The following COL9A1 variants were observed in gnomAD, a reference collection of about 807,000 sequenced individuals.
COL9A1 encodes collagen alpha-1(IX) chain.
COL9A1 carries 104 observed loss-of-function variants against 142.6 expected under a neutral mutation model. The ratio of observed to expected loss-of-function variants is 0.73; its 90% CI spans 0.62 to 0.86. The LOEUF is 0.86. Ranked by LOEUF, COL9A1 falls within the 40% of genes least tolerant of loss-of-function variation. COL9A1 has a pLI of 0.00. For missense variants in COL9A1, 1,210 were observed against 1,176.6 expected (o/e 1.03, Z -0.42); for synonymous variants, 466 against 396.0 (o/e 1.18, Z -2.10).
At position 70,283,745 on chromosome 6, in the gene COL9A1, T is replaced by C; in HGVS notation, c.772A>G (p.Arg258Gly). 6.2e-7 allele frequency: 1 copy of C among 1,611,272 alleles called. No individual in the cohort carries two copies. Among genetic ancestry groups the C allele is most frequent in the Non-Finnish European group, 8.5e-7 (1 of 1,178,842 alleles). Residue 258 changes from arginine (R) to glycine (G), a missense_variant, in exon 6 of 38, where the codon AGA (arginine) becomes GGA (glycine). Transcript: ENST00000357250. ...RRETCHELPARITPSQTTDER... is the reference protein window; with the variant it reads ...RRETCHELPAGITPSQTTDER... The stretch of plus-strand genomic sequence containing the variant: ...GTAGTCAGGGGACTCACCGTTATTC[T>C]GGCTGGCAGCTCATGGCAAGTTTCT...
intron 2 of COL9A1, 33 bp downstream of exon 2, chr6:70,301,968 G>C (rs761612538): frequency 2.6e-6 from 4 of 1,553,376 alleles, no homozygotes; most frequent in Non-Finnish European, 3.5e-6. Flanking sequence ...GGGAATAAGT[G>C]ATCTTTGAAA....
intron 5 of COL9A1, among the ~76,000 whole-genome samples, chr6:70,287,924 T>C (rs1773517560): frequency 6.6e-6 from 1 of 152,202 alleles, no homozygotes; most frequent in Admixed American, 6.5e-5. Flanking sequence ...CATTTAGAGA[T>C]ATTTCAGGAC....
chr6:70,257,533 G>A (rs1403832209), intron 20 of COL9A1, among the ~76,000 whole-genome samples: 2 of 152,152 alleles, frequency 1.3e-5, no homozygotes, highest in Non-Finnish European at 2.9e-5. Flanking sequence ...GGGATCACAT[G>A]AGACCAGGAG....
In COL9A1 at chr6:70,255,387, C is replaced by T; in HGVS notation, c.1507G>A (p.Asp503Asn). The change falls in exon 22 of 38, where the codon GAT (aspartate) becomes AAT (asparagine). Residue 503 changes from aspartate (D) to asparagine (N), a missense_variant. Physicochemically the swap from Asp to Asn is conservative, Grantham distance 23. Coordinates refer to ENST00000357250, the MANE Select transcript of COL9A1 (RefSeq NM_001851.6). Reference sequence around the variant, plus strand: ...CCTGGAGGTCCTCGCTGTCCTTGATCACCCTGTATGAAAATAAAATTTTGT... The same window carrying T: ...CCTGGAGGTCCTCGCTGTCCTTGATTACCCTGTATGAAAATAAAATTTTGT... ...GPQGLPGAPG[D>N]QGQRGPPGEA... The T allele has an allele frequency of 6.2e-7, 1 of 1,614,046 alleles. No homozygotes were observed.
At chr6:70,288,226 T>C (rs1471353333) in intron 5 of COL9A1, among the ~76,000 whole-genome samples, 2 of 152,190 alleles carry the variant, frequency 1.3e-5, no homozygotes, top group Non-Finnish European at 2.9e-5. Flanking sequence ...CCTAAAGTAA[T>C]GGTGTCATCT....
At chr6:70,286,763 A>G (rs534317422) in intron 5 of COL9A1, among the ~76,000 whole-genome samples, 62 of 152,214 alleles carry the variant, frequency 4.1e-4, no homozygotes, top group Non-Finnish European at 7.9e-4. Flanking sequence ...TATGTAGACT[A>G]AACCCGGCTG....
chr6:70,232,358 G>A (rs145155978), intron 36 of COL9A1, among the ~76,000 whole-genome samples: 11 of 152,278 alleles, frequency 7.2e-5, no homozygotes, highest in Admixed American at 2.6e-4. Flanking sequence ...TAAAAGACAC[G>A]GGACTTTAAT....
intron 10 of COL9A1, chr6:70,279,821 T>C: frequency 2.0e-6 from 1 of 491,354 alleles, no homozygotes; most frequent in East Asian, 2.9e-5. Flanking sequence ...TCTTAAACTG[T>C]AGTCAAAAAT....
chr6:70,221,782 T>C (rs2127548841), intron 37 of COL9A1, among the ~76,000 whole-genome samples: 1 of 152,256 alleles, frequency 6.6e-6, no homozygotes, highest in East Asian at 1.9e-4. Flanking sequence ...CCTTTAAAAT[T>C]CTCAGAGTGA....
chr6:70,253,382 T>C lies in COL9A1; in HGVS notation c.1764+3A>G, dbSNP rs1562304504. Reference sequence around the variant, plus strand: ...TATTAACTTAAATTTTAAAATATTTTACCTTTTCACCAGCAACACCCTTTG... The same window carrying C: ...TATTAACTTAAATTTTAAAATATTTCACCTTTTCACCAGCAACACCCTTTG... On this transcript the variant is annotated splice_donor_region_variant and intron_variant, in intron 26 of 37. Coordinates refer to ENST00000357250, the MANE Select transcript of COL9A1 (RefSeq NM_001851.6). The C allele has an allele frequency of 1.9e-6, 3 of 1,584,602 alleles. No homozygotes were observed. The highest frequency in any genetic ancestry group is 2.6e-6 in the Non-Finnish European group (3 of 1,155,398).
rs147134403 is a variant in COL9A1, at chr6:70,285,085, A to C, written c.697-1265T>G. ...CCTATATCTTTTGTTTCAATAGTTC[A>C]TTAAAGTTACTTATTGCAAATGTGA... On this transcript the variant is annotated intron_variant, in intron 5 of 37. Transcript: ENST00000357250. Among the ~76,000 whole-genome samples the C allele has an allele frequency of 1.1e-3, 172 of 152,354 alleles. 2 individuals carry two copies. The East Asian group carries it at 0.023, about 20-fold the overall frequency.
chr6:70,247,421 A>T (rs1412835480), intron 28 of COL9A1, among the ~76,000 whole-genome samples: 1 of 152,260 alleles, frequency 6.6e-6, no homozygotes, highest in African/African-American at 2.4e-5. Context: ...TTATTCCATC[A>T]TGCTCTAGCT....
intron 33 of COL9A1, among the ~76,000 whole-genome samples, chr6:70,235,974 G>A (rs1252726099): frequency 4.0e-5 from 6 of 151,662 alleles, no homozygotes; most frequent in African/African-American, 1.2e-4. Context: ...ATTAGCCGGC[G>A]TAGTGGTGGA....
At chr6:70,295,135 G>A (rs985178060) in intron 4 of COL9A1, among the ~76,000 whole-genome samples, 1 of 152,026 alleles carries the variant, frequency 6.6e-6, no homozygotes, top group African/African-American at 2.4e-5. Context: ...AGTAACTGAG[G>A]ACTTCAGGAG....
In COL9A1 at chr6:70,255,185, C is replaced by G. The variant is rs1771199729; in HGVS notation, c.1576G>C (p.Gly526Arg). ...KGDRGAEGARGIPGLPGPKGD... is the reference protein window; with the variant it reads ...KGDRGAEGARRIPGLPGPKGD... The stretch of plus-strand genomic sequence containing the variant: ...TTGGGCCCAGGGAGACCAGGAATTC[C>G]TCTAGCACCTTCAGCCCCCTGCAGG... Residue 526 changes from glycine to arginine, a missense_variant, in exon 23 of 38, where the codon GGA (glycine) becomes CGA (arginine). By Grantham distance (125) the Gly-to-Arg change is moderately radical. Coordinates refer to ENST00000357250, the MANE Select transcript of COL9A1 (RefSeq NM_001851.6). 1.2e-6 allele frequency: 2 copies of G among 1,614,076 alleles called. No individual in the cohort carries two copies. Among genetic ancestry groups the G allele is most frequent in the African/African-American group, 2.7e-5 (2 of 74,934 alleles).
chr6:70,294,558 AAATT>A lies in COL9A1; in HGVS notation c.301_304del (p.Asn101TyrfsTer13). ...TTCTTCAGGCAGTCCACTGGGATAT[AAATT>A]CCTGAGTAAAATTTTTAAATAGTAA... is the stretch of plus-strand genomic sequence containing the variant. On this transcript the variant is annotated frameshift_variant and splice_region_variant, in exon 5 of 38. Coordinates refer to ENST00000357250, the MANE Select transcript of COL9A1 (RefSeq NM_001851.6). LOFTEE classifies it high-confidence loss of function. 6.2e-7 allele frequency: 1 copy of A among 1,613,904 alleles called. No individual in the cohort carries two copies. The highest frequency in any genetic ancestry group is 8.5e-7 in the Non-Finnish European group (1 of 1,179,856).
At chr6:70,246,646 T>G (rs1012657164) in intron 28 of COL9A1, among the ~76,000 whole-genome samples, 1 of 152,214 alleles carries the variant, frequency 6.6e-6, no homozygotes, top group African/African-American at 2.4e-5. Context: ...TTTACCAGCT[T>G]TCTCAGACTT....
intron 20 of COL9A1, 23 bp from the exon 21 acceptor site, chr6:70,256,844 A>G (rs1462002097): frequency 6.2e-7 from 1 of 1,611,348 alleles, no homozygotes; most frequent in Non-Finnish European, 8.5e-7. Context: ...AAGACAATGG[A>G]AAAAAACTGA....
chr6:70,279,347 CTA>C (rs1229000410), intron 10 of COL9A1, among the ~76,000 whole-genome samples: 71 of 151,656 alleles, frequency 4.7e-4, no homozygotes, highest in Non-Finnish European at 1.2e-4. Context: ...TCAGTTTTTA[CTA>C]TCTAAATATT....
Sources: allele counts gnomAD v4.1 joint callset (sites outside exome capture counted in the v4.1 genomes callset), GRCh38; gene constraint gnomAD v4.1.1; transcripts MANE v1.5; gene names NCBI Gene and HGNC (gene_info 2026-07-23, HGNC 2026-07-21).